The following AEBP1 variants were observed in gnomAD, a reference collection of about 807,000 sequenced individuals.
AEBP1 encodes AE binding protein 1.
Under a neutral mutation model 116.5 loss-of-function variants are expected in AEBP1, and 69 were observed. The ratio of observed to expected loss-of-function variants is 0.59; its 90% CI spans 0.49 to 0.72. The LOEUF is 0.72. Ranked by LOEUF, AEBP1 falls within the 30% of genes least tolerant of loss-of-function variation. The pLI is 0.00. For missense variants in AEBP1, 1,444 were observed against 1,557.5 expected (o/e 0.93, Z 1.23); for synonymous variants, 627 against 627.3 (o/e 1.00, Z 0.01).
intron 2 of AEBP1, 48 bp downstream of exon 2, chr7:44,106,935 G>A (rs376475752): frequency 1.3e-4 from 179 of 1,403,250 alleles, no homozygotes; most frequent in Non-Finnish European, 1.6e-4. Context: ...CTGCCTGCTC[G>A]GGTGGAGGCA....
chr7:44,109,361 G>T lies in AEBP1; in HGVS notation c.1150+20G>T. Reference sequence around the variant, plus strand: ...AAGTCAGTAAGTGGGGGGCACAAGGGGGTGAGGGTGGGGGCCACAGGATGG... The same window carrying T: ...AAGTCAGTAAGTGGGGGGCACAAGGTGGTGAGGGTGGGGGCCACAGGATGG... On this transcript the variant is annotated intron_variant, in intron 9 of 20. Coordinates refer to ENST00000223357, the MANE Select transcript of AEBP1 (RefSeq NM_001129.5). 1 of 1,521,052 alleles carries T rather than the reference G, an allele frequency of 6.6e-7. No homozygotes were observed. Among genetic ancestry groups the T allele is most frequent in the Non-Finnish European group, 8.9e-7 (1 of 1,124,334 alleles). 94.2% of individuals were successfully genotyped at this position (1,521,052 alleles called of 1,614,324 possible).
Position 44,112,326 on chromosome 7 carries a change from G to C in AEBP1, c.2217+5G>C. On this transcript the variant is annotated splice_donor_5th_base_variant and intron_variant, in intron 17 of 20. Transcript: ENST00000223357. This position sits in a 1 kb window ranked among gnomAD's most constrained non-coding sequence, Gnocchi z 6.6. Reference sequence around the variant, plus strand: ...TACCTTTCGCCAGATGCCACGGTGAGGCTACAGCCTGGCTGAAAGGGCAGG... The same window carrying C: ...TACCTTTCGCCAGATGCCACGGTGACGCTACAGCCTGGCTGAAAGGGCAGG... 6.5e-7 allele frequency: 1 copy of C among 1,537,586 alleles called. No homozygotes were observed.
rs1562688185 is a variant in AEBP1, at chr7:44,112,045, C to T, written c.2032C>T (p.Gln678Ter). 6.2e-7 allele frequency: 1 copy of T among 1,612,706 alleles called. No homozygotes were observed. Among genetic ancestry groups the T allele is most frequent in the Non-Finnish European group, 8.5e-7 (1 of 1,179,082 alleles). The change falls in exon 16 of 21, where the codon CAG becomes TAG. Residue 678 changes from glutamine to a stop codon, truncating the protein, a stop_gained. Coordinates refer to ENST00000223357, the MANE Select transcript of AEBP1 (RefSeq NM_001129.5). LOFTEE classifies it high-confidence loss of function. This position sits in a 1 kb window ranked among gnomAD's most constrained non-coding sequence, Gnocchi z 6.6. ...CCCTGATGGCTACGAGGTGGCAGCG[C>T]AGATGGTGGGTTGAAGGGTGAGGCT... ...LNPDGYEVAA[Q>*]MGSEFGNWAL... is the part of the protein sequence containing the mutation.
At position 44,113,214 on chromosome 7, in the gene AEBP1, C is replaced by T. The variant is rs201733417; in HGVS notation, c.2710-38C>T. 2.5e-5 allele frequency: 41 copies of T among 1,613,340 alleles called. No homozygotes were observed. In the East Asian group the frequency reaches 6.9e-4, roughly 27 times the overall value. On this transcript the variant is annotated intron_variant, in intron 19 of 20. Coordinates refer to ENST00000223357, the MANE Select transcript of AEBP1 (RefSeq NM_001129.5). This position sits in a 1 kb window ranked among gnomAD's most constrained non-coding sequence, Gnocchi z 5.3. ...GGAGGGAGCAGCGGACCACATTGGACCTTCCTGAGGACCAGCAGCCCTCAC... is the reference window on the plus strand; with the variant it reads ...GGAGGGAGCAGCGGACCACATTGGATCTTCCTGAGGACCAGCAGCCCTCAC...
At position 44,106,628 on chromosome 7, in the gene AEBP1, G is replaced by A. The variant is rs751990056; in HGVS notation, c.336G>A (p.Gly112=). 36 of 1,612,614 alleles carry A rather than the reference G, an allele frequency of 2.2e-5. No individual in the cohort carries two copies. In the African/African-American group the frequency reaches 2.9e-4, roughly 13 times the overall value. ...AGGTGCCCAAGGAGTCCTTGGAGGG[G>A]TCCCCCAGGCCGCCCAAGAAGGGGA... The part of the protein sequence containing the change: ...GPKVPKESLE[G]SPRPPKKGKE... The change falls in exon 2 of 21, where the codon GGG becomes GGA. Residue 112 remains glycine (G), a synonymous_variant. Transcript: ENST00000223357.
Position 44,107,879 on chromosome 7 carries a change from G to C in AEBP1, c.810G>C (p.Trp270Cys). Reference protein sequence around the residue: ...PSRRRRPERVWPEPPEEKAPA... With the variant: ...PSRRRRPERVCPEPPEEKAPA... ...GAAGGAGGAGGCCCGAGCGGGTCTG[G>C]CCAGAGCCCCCTGAGGAGAAGGCCC... Residue 270 changes from tryptophan (W) to cysteine (C), a missense_variant, in exon 5 of 21, where the codon TGG (tryptophan) becomes TGC (cysteine). By Grantham distance (215) the Trp-to-Cys change is radical. Transcript: ENST00000223357. The surrounding 1 kb of genome is among the most constrained non-coding windows in gnomAD (Gnocchi z 4.3). 6.2e-7 allele frequency: 1 copy of C among 1,603,838 alleles called. No homozygotes were observed. Among genetic ancestry groups the C allele is most frequent in the South Asian group, 1.1e-5 (1 of 89,774 alleles).
Position 44,108,060 on chromosome 7 carries a change from T to TA in AEBP1, c.917dup (p.Tyr306Ter), listed in dbSNP as rs1443187318. 3.1e-6 allele frequency: 5 copies of TA among 1,603,250 alleles called. No homozygotes were observed. Among genetic ancestry groups the TA allele is most frequent in the Non-Finnish European group, 4.3e-6 (5 of 1,176,008 alleles). The change falls in exon 6 of 21, where the codon TAC (tyrosine) becomes TAAC (stop). Residue 306 changes from tyrosine (Y) to a stop codon, truncating the protein, a stop_gained and frameshift_variant. Transcript: ENST00000223357. LOFTEE classifies it high-confidence loss of function. This position sits in a 1 kb window ranked among gnomAD's most constrained non-coding sequence, Gnocchi z 5.0. ...PPLPPDYGDGYVIPNYDDMDY... is the reference protein window; with the variant it reads ...PPLPPDYGDG Reference sequence around the variant, plus strand: ...GCTGCCCCCTGACTATGGTGATGGTTACGTGATCCCCAACTACGATGACAG... The same window carrying TA: ...GCTGCCCCCTGACTATGGTGATGGTTAACGTGATCCCCAACTACGATGACAG...
intron 9 of AEBP1, chr7:44,109,556 G>A (rs1024012217): frequency 5.7e-5 from 35 of 616,558 alleles, no homozygotes; most frequent in Non-Finnish European, 8.4e-5. Flanking sequence ...CAGGAGGGTG[G>A]CAGCTCCCCA....
Position 44,111,611 on chromosome 7 carries a change from C to A in AEBP1, c.1821C>A (p.Asn607Lys). ...LKIYAMEISD[N>K]PGEHELGEPE... is the part of the protein sequence containing the mutation. ...TCTATGCCATGGAGATCTCAGACAA[C>A]CCTGGGGAGCATGAACTGGGTGAGG... The change falls in exon 15 of 21, where the codon AAC becomes AAA. Residue 607 changes from asparagine (N) to lysine (K), a missense_variant. Coordinates refer to ENST00000223357, the MANE Select transcript of AEBP1 (RefSeq NM_001129.5). This position sits in a 1 kb window ranked among gnomAD's most constrained non-coding sequence, Gnocchi z 4.7. 2 of 1,613,152 alleles carry A rather than the reference C, an allele frequency of 1.2e-6. No homozygotes were observed. The highest frequency in any genetic ancestry group is 1.7e-6 in the Non-Finnish European group (2 of 1,179,732).
At chr7:44,110,651 G>A in intron 11 of AEBP1, 74 bp from the exon 12 acceptor site, 1 of 1,349,442 alleles carries the variant, frequency 7.4e-7, no homozygotes, top group Non-Finnish European at 1.0e-6. Context: ...TTGGGGCTCG[G>A]AAGAGGGAGG....
intron 9 of AEBP1, chr7:44,109,792 A>AG: frequency 1.7e-6 from 1 of 589,818 alleles, no homozygotes; most frequent in Non-Finnish European, 3.0e-6. Flanking sequence ...GCTGAGGCCC[A>AG]GGGAGGGGAA....
At position 44,106,559 on chromosome 7, in the gene AEBP1, G is replaced by A. The variant is rs139078339; in HGVS notation, c.267G>A (p.Lys89=). ...PGTAAEVPPE[K]TKDKGKKGKK... ...CATCTTGGACAGTGCCTCCGGAAAA[G>A]ACCAAAGACAAAGGGAAGAAAGGCA... Residue 89 remains lysine, a synonymous_variant, in exon 2 of 21, where the codon AAG becomes AAA. Coordinates refer to ENST00000223357, the MANE Select transcript of AEBP1 (RefSeq NM_001129.5). 1.9e-5 allele frequency: 30 copies of A among 1,600,558 alleles called. No individual in the cohort carries two copies. The highest frequency in any genetic ancestry group is 2.4e-5 in the Non-Finnish European group (28 of 1,175,628).
chr7:44,110,864 G>A, intron 12 of AEBP1, 49 bp from the exon 13 acceptor site: 1 of 1,612,644 alleles, frequency 6.2e-7, no homozygotes, highest in Non-Finnish European at 8.5e-7. Context: ...GCGAGGGGTG[G>A]GCTCTCAGAG....
chr7:44,107,970 G>GA lies in AEBP1; in HGVS notation c.863-37_863-36insA. ...CAGGAGAGGAGGTGCCATGGCCACG[G>GA]CGCTCTGGCCCCCTCCTAACCTCCC... On this transcript the variant is annotated intron_variant, in intron 5 of 20. Transcript: ENST00000223357. This position sits in a 1 kb window ranked among gnomAD's most constrained non-coding sequence, Gnocchi z 4.3. 5 of 1,573,008 alleles carry GA rather than the reference G, an allele frequency of 3.2e-6. No individual in the cohort carries two copies. Among genetic ancestry groups the GA allele is most frequent in the Non-Finnish European group, 4.3e-6 (5 of 1,160,392 alleles).
In AEBP1 at chr7:44,107,939, G is replaced by C; in HGVS notation, c.862+8G>C. Reference sequence around the variant, plus strand: ...CCCCGGAGGAGAGGATTGGTAGGATGGGGGGCAGGAGAGGAGGTGCCATGG... The same window carrying C: ...CCCCGGAGGAGAGGATTGGTAGGATCGGGGGCAGGAGAGGAGGTGCCATGG... On this transcript the variant is annotated splice_region_variant and intron_variant, in intron 5 of 20. Coordinates refer to ENST00000223357, the MANE Select transcript of AEBP1 (RefSeq NM_001129.5). The surrounding 1 kb of genome is among the most constrained non-coding windows in gnomAD (Gnocchi z 4.3). 1.3e-6 allele frequency: 2 copies of C among 1,569,992 alleles called. No homozygotes were observed. Among genetic ancestry groups the C allele is most frequent in the Non-Finnish European group, 1.7e-6 (2 of 1,161,866 alleles).
At chr7:44,110,856 G>A (rs1379890732) in intron 12 of AEBP1, 47 bp downstream of exon 12, 9 of 1,611,780 alleles carry the variant, frequency 5.6e-6, no homozygotes, top group African/African-American at 2.7e-5. Flanking sequence ...TTGTCTGGGC[G>A]AGGGGTGGGC....
chr7:44,106,124 T>C (rs1190891886), intron 1 of AEBP1: 11 of 463,792 alleles, frequency 2.4e-5, no homozygotes, highest in Non-Finnish European at 4.3e-5. Flanking sequence ...CTTGGGCCCA[T>C]GTCCCTTCCT....
Position 44,113,726 on chromosome 7 carries a change from T to C in AEBP1, c.2942T>C (p.Ile981Thr). 6.2e-7 allele frequency: 1 copy of C among 1,614,070 alleles called. No individual in the cohort carries two copies. Among genetic ancestry groups the C allele is most frequent in the Non-Finnish European group, 8.5e-7 (1 of 1,179,974 alleles). The change falls in exon 21 of 21, where the codon ATC (isoleucine) becomes ACC (threonine). Residue 981 changes from isoleucine to threonine, a missense_variant. Physicochemically the swap from Ile to Thr is moderately conservative, Grantham distance 89. Transcript: ENST00000223357. This position sits in a 1 kb window ranked among gnomAD's most constrained non-coding sequence, Gnocchi z 5.3. ...ATCGGGGCCACTCAGTGCAACTTCA[T>C]CCTGGCTCGCTCCAACTGGAAGCGC... ...YDIGATQCNF[I>T]LARSNWKRIR...
Position 44,106,739 on chromosome 7 carries a change from C to T in AEBP1, c.447C>T (p.Ala149=), listed in dbSNP as rs1285733800. 1.2e-6 allele frequency: 2 copies of T among 1,612,738 alleles called. No individual in the cohort carries two copies. Among genetic ancestry groups the T allele is most frequent in the East Asian group, 2.2e-5 (1 of 44,836 alleles). The change falls in exon 2 of 21, where the codon GCC becomes GCT. Residue 149 remains alanine, a synonymous_variant. Transcript: ENST00000223357. The part of the protein sequence containing the change: ...TKKPKEKPPK[A]TKKPKEKPPK... Reference sequence around the variant, plus strand: ...AGCCCAAGGAGAAGCCACCCAAGGCCACCAAGAAGCCCAAAGAGAAGCCAC... The same window carrying T: ...AGCCCAAGGAGAAGCCACCCAAGGCTACCAAGAAGCCCAAAGAGAAGCCAC...
Sources: allele counts gnomAD v4.1 joint callset, GRCh38; gene constraint gnomAD v4.1.1; non-coding constraint Gnocchi (gnomAD v3.1); transcripts MANE v1.5; gene names NCBI Gene and HGNC (gene_info 2026-07-23, HGNC 2026-07-21).